PAK2: variants seen among roughly 807,000 people sequenced by gnomAD.
PAK2 encodes the protein p21 (RAC1) activated kinase 2.
A neutral mutation model predicts 65.9 loss-of-function variants in PAK2; 21 were observed. That is an observed-to-expected ratio of 0.32 (90% CI 0.23 to 0.46). The LOEUF is 0.46. PAK2 is among the 20% of genes least tolerant of loss of function. The pLI is 1.00. For synonymous variants in PAK2, 204 were observed against 219.7 expected (o/e 0.93, Z 0.63); for missense variants, 324 against 642.6 (o/e 0.50, Z 5.36).
intron 2 of PAK2, among the ~76,000 whole-genome samples, chr3:196,790,326 C>A (rs539691815): frequency 5.9e-5 from 9 of 152,294 alleles, no homozygotes; most frequent in African/African-American, 2.2e-4. Context: ...TGCCTCTTGG[C>A]TGAAGGTTGC....
Position 196,740,049 on chromosome 3 carries a change from T to C in PAK2, c.-130T>C, listed in dbSNP as rs1285758298. 4.0e-5 allele frequency: 6 copies of C among 150,716 alleles called. No homozygotes were observed. The highest frequency in any genetic ancestry group is 2.4e-5 in the African/African-American group (1 of 40,874). The allele number at this position is 150,716 out of a possible 1,614,324, so 9.3% of individuals were successfully genotyped here. A position where few individuals can be genotyped will look rare whatever the true frequency, so the allele number is the denominator to read the frequency against. On this transcript the variant is annotated 5_prime_UTR_variant, in exon 1 of 15. Transcript: ENST00000327134. ...CGTCTCTTCCCGCCCCGCTTCCCCT[T>C]CCCTCCCCTCCCCTCCCCGCACCGC...
chr3:196,747,255 T>G (rs1433461381), intron 1 of PAK2: 2 of 152,180 alleles, frequency 1.3e-5, no homozygotes, highest in Non-Finnish European at 2.9e-5. Context: ...TCCTTTAATG[T>G]GTTTTCGATG....
rs557752066 is a variant in PAK2, at chr3:196,753,607, T to C, written c.-22+13450T>C. ...CTTTCTGTTTTACATTTAAATTCATTAGTCATGTATACCATCTAGTGTACA... is the reference window on the plus strand; with the variant it reads ...CTTTCTGTTTTACATTTAAATTCATCAGTCATGTATACCATCTAGTGTACA... On this transcript the variant is annotated intron_variant, in intron 1 of 14. Coordinates refer to ENST00000327134, the MANE Select transcript of PAK2 (RefSeq NM_002577.4). Among the ~76,000 whole-genome samples, 8 of 152,332 alleles carry C rather than the reference T, an allele frequency of 5.3e-5. No homozygotes were observed. The South Asian group carries it at 1.7e-3, about 32-fold the overall frequency.
In PAK2 at chr3:196,829,424, A is replaced by G. The variant is rs1443592074; in HGVS notation, c.*1019A>G. 6.6e-6 allele frequency: 1 copy of G among 152,474 alleles called. No homozygotes were observed. The highest frequency in any genetic ancestry group is 1.5e-5 in the Non-Finnish European group (1 of 68,042). 9.4% of individuals were successfully genotyped at this position (152,474 alleles called of 1,614,324 possible). On this transcript the variant is annotated 3_prime_UTR_variant, in exon 15 of 15. Transcript: ENST00000327134. ...ACAGATACCCCCTCCCATGGCAAAT[A>G]ATATAATAACCAGTGAATTTTCAGG... is the stretch of plus-strand genomic sequence containing the variant.
chr3:196,747,957 C>T (rs963953945), intron 1 of PAK2, among the ~76,000 whole-genome samples: 14 of 152,082 alleles, frequency 9.2e-5, no homozygotes, highest in Middle Eastern at 3.2e-3. Context: ...CCTCTGCCTA[C>T]CCCCACTCCG....
intron 1 of PAK2, 105 bp from the exon 2 acceptor site, chr3:196,782,521 A>G: frequency 4.8e-6 from 3 of 621,920 alleles, no homozygotes; most frequent in Non-Finnish European, 8.7e-6. Context: ...CTATAAATGG[A>G]TAATATTTTC....
At chr3:196,803,276 T>G (rs1387122759) in intron 4 of PAK2, 112 bp downstream of exon 4, 1 of 852,050 alleles carries the variant, frequency 1.2e-6, no homozygotes, top group Non-Finnish European at 1.8e-6. Context: ...TTGATAACGG[T>G]TTTTCCCTGG....
chr3:196,771,048 C>T (rs1216843280), intron 1 of PAK2, among the ~76,000 whole-genome samples: 1 of 151,430 alleles, frequency 6.6e-6, no homozygotes, highest in Non-Finnish European at 1.5e-5. Context: ...TATTTCTTTC[C>T]TAGTTATCTT....
intron 13 of PAK2, 59 bp from the exon 14 acceptor site, chr3:196,827,137 G>T: frequency 1.8e-6 from 2 of 1,117,054 alleles, no homozygotes; most frequent in East Asian, 2.5e-5. Context: ...ACTTTATGGA[G>T]TGCTCTGTGA....
At chr3:196,759,489 GT>G (rs1418582155) in intron 1 of PAK2, among the ~76,000 whole-genome samples, 4 of 98,854 alleles carry the variant, frequency 4.0e-5, no homozygotes, top group South Asian at 7.0e-4. Flanking sequence ...CAGTTAAGTG[GT>G]TTTTTTTGTT....
chr3:196,774,499 C>T (rs541267265), intron 1 of PAK2, among the ~76,000 whole-genome samples: 1 of 152,170 alleles, frequency 6.6e-6, no homozygotes, highest in East Asian at 1.9e-4. Flanking sequence ...TTCACTAAGC[C>T]TTGAAAGATT....
intron 1 of PAK2, among the ~76,000 whole-genome samples, chr3:196,775,976 C>G (rs1714522306): frequency 1.3e-5 from 2 of 152,172 alleles, no homozygotes; most frequent in South Asian, 4.1e-4. Context: ...TATGAGTCTT[C>G]TGCCACCTCC....
chr3:196,813,354 A>T (rs1715886804), intron 10 of PAK2, among the ~76,000 whole-genome samples: 1 of 151,678 alleles, frequency 6.6e-6, no homozygotes, highest in South Asian at 2.1e-4. Flanking sequence ...GCTACTCAGG[A>T]GGCTGAGGCA....
At chr3:196,746,378 C>G (rs1351176535) in intron 1 of PAK2, among the ~76,000 whole-genome samples, 1 of 152,050 alleles carries the variant, frequency 6.6e-6, no homozygotes, top group East Asian at 1.9e-4. Flanking sequence ...TTAACTATTG[C>G]TGAGGATATG....
intron 1 of PAK2, among the ~76,000 whole-genome samples, chr3:196,767,142 G>A (rs919476444): frequency 3.3e-5 from 5 of 152,082 alleles, no homozygotes; most frequent in Non-Finnish European, 7.4e-5. Context: ...AGTGTAGAAT[G>A]TTCTGTAGTT....
At chr3:196,762,709 C>G (rs1188588737) in intron 1 of PAK2, among the ~76,000 whole-genome samples, 4 of 148,334 alleles carry the variant, frequency 2.7e-5, no homozygotes, top group Non-Finnish European at 1.5e-5. Context: ...AGAGGAGAAC[C>G]GCTTTAACCG....
At chr3:196,740,854 A>ACACG (rs1278401109) in intron 1 of PAK2, among the ~76,000 whole-genome samples, 5 of 147,740 alleles carry the variant, frequency 3.4e-5, no homozygotes, top group East Asian at 2.0e-4. Context: ...TCTTGGAAAC[A>ACACG]CACGCACGCA....
chr3:196,800,959 G>A (rs1715407103), intron 2 of PAK2, among the ~76,000 whole-genome samples: 1 of 152,134 alleles, frequency 6.6e-6, no homozygotes, highest in Non-Finnish European at 1.5e-5. Context: ...AGCAGGAGGA[G>A]CTGAGAGGGA....
intron 7 of PAK2, among the ~76,000 whole-genome samples, chr3:196,810,364 T>A (rs916110652): frequency 6.6e-6 from 1 of 152,096 alleles, no homozygotes; most frequent in Non-Finnish European, 1.5e-5. Flanking sequence ...CTTGTTTCTG[T>A]TACTTTTAAA....
Sources: allele counts gnomAD v4.1 joint callset (sites outside exome capture counted in the v4.1 genomes callset), GRCh38; gene constraint gnomAD v4.1.1; transcripts MANE v1.5; gene names NCBI Gene and HGNC (gene_info 2026-07-23, HGNC 2026-07-21).